The following BAZ2B variants were observed in gnomAD, a reference collection of about 807,000 sequenced individuals.
BAZ2B encodes the protein bromodomain adjacent to zinc finger domain 2B, also known as bromodomain adjacent to zinc finger domain protein 2B.
BAZ2B carries 91 observed loss-of-function variants against 246.0 expected under a neutral mutation model. The observed-to-expected ratio is 0.37, with a 90% CI of 0.31 to 0.44. The LOEUF is 0.44. Ranked by LOEUF, BAZ2B falls within the 20% of genes least tolerant of loss-of-function variation. BAZ2B has a pLI of 1.00. For synonymous variants in BAZ2B, 855 were observed against 860.0 expected, an observed-to-expected ratio of 0.99 and a Z score of 0.10; for missense variants, 2,332 against 2,533.7, an observed-to-expected ratio of 0.92 and a Z score of 1.71.
intron 1 of BAZ2B, among the ~76,000 whole-genome samples, chr2:159,613,904 T>C (rs753092906): frequency 2.0e-5 from 3 of 152,202 alleles, no homozygotes; most frequent in Non-Finnish European, 2.9e-5. Context: ...CAAAGAAGAC[T>C]GCTACAGAAA....
chr2:159,550,513 GATT>G (rs2088023095), intron 2 of BAZ2B, among the ~76,000 whole-genome samples: 1 of 152,074 alleles, frequency 6.6e-6, no homozygotes, highest in East Asian at 1.9e-4. Context: ...AATTTAGCCA[GATT>G]ACTATACCTA....
chr2:159,675,066 C>T, the BAZ2B span, among the ~76,000 whole-genome samples: 1 of 152,018 alleles, frequency 6.6e-6, no homozygotes, highest in Non-Finnish European at 1.5e-5. Flanking sequence ...AAATACGGAA[C>T]TGGGGAGGAC....
chr2:159,545,778 G>A (rs1193935761), intron 2 of BAZ2B, among the ~76,000 whole-genome samples: 1 of 152,102 alleles, frequency 6.6e-6, no homozygotes, highest in Non-Finnish European at 1.5e-5. Flanking sequence ...ATCACGTAAG[G>A]ATCTAAGGAC....
At chr2:159,321,645 T>C (rs1312131204) in intron 36 of BAZ2B, among the ~76,000 whole-genome samples, 1 of 152,164 alleles carries the variant, frequency 6.6e-6, no homozygotes, top group African/African-American at 2.4e-5. Flanking sequence ...TTAAGTGAAA[T>C]AAGCCAGGCA....
In BAZ2B at chr2:159,438,462, C is replaced by T. The variant is rs186314882; in HGVS notation, c.1134G>A (p.Thr378=). The part of the protein sequence containing the change: ...VNKHTSVIQS[T]GLVSNVKPLS... ...AAGGTTTCACATTGGACACCAATCC[C>T]GTAGACTGTATTACACTGGTGTGTT... is the stretch of plus-strand genomic sequence containing the variant. Residue 378 remains threonine (T), a synonymous_variant, in exon 8 of 37, where the codon ACG becomes ACA. Coordinates refer to ENST00000392783, the MANE Select transcript of BAZ2B (RefSeq NM_013450.4). 2,290 of 1,614,112 alleles carry T rather than the reference C, an allele frequency of 1.4e-3. 29 individuals carry two copies. Among genetic ancestry groups the T allele is most frequent in the Non-Finnish European group, 3.3e-4 (393 of 1,180,014 alleles).
chr2:159,384,038 A>G (rs1417525510), intron 23 of BAZ2B, among the ~76,000 whole-genome samples: 2 of 152,068 alleles, frequency 1.3e-5, no homozygotes, highest in Non-Finnish European at 2.9e-5. Context: ...GGATACCAGA[A>G]CACACATGGA....
At chr2:159,326,423 T>A (rs577142956) in intron 34 of BAZ2B, among the ~76,000 whole-genome samples, 2 of 149,890 alleles carry the variant, frequency 1.3e-5, no homozygotes, top group South Asian at 2.1e-4. Flanking sequence ...TTGATTTGAT[T>A]TTTTTTCCTG....
chr2:159,711,078 G>A, the BAZ2B span, among the ~76,000 whole-genome samples: 22 of 152,026 alleles, frequency 1.4e-4, no homozygotes, highest in African/African-American at 4.8e-4. Flanking sequence ...GTTTAGCAAG[G>A]TTAAGGAATT....
intron 36 of BAZ2B, among the ~76,000 whole-genome samples, chr2:159,323,639 C>T (rs558779299): frequency 1.3e-3 from 193 of 151,898 alleles, no homozygotes; most frequent in Middle Eastern, 3.4e-3. Context: ...CCTGTTTATA[C>T]TAAAAATACA....
At chr2:159,444,952 T>C (rs1252123444) in intron 6 of BAZ2B, 1 of 152,230 alleles carries the variant, frequency 6.6e-6, no homozygotes, top group East Asian at 1.9e-4. Flanking sequence ...AATTAAAAAT[T>C]GGAGCAGACT....
chr2:159,385,886 T>C (rs1189942252), intron 22 of BAZ2B, among the ~76,000 whole-genome samples: 1 of 152,188 alleles, frequency 6.6e-6, no homozygotes, highest in African/African-American at 2.4e-5. Context: ...CCCTGGAATG[T>C]ATACTGTATT....
At chr2:159,514,095 A>G (rs751646777) in intron 2 of BAZ2B, among the ~76,000 whole-genome samples, 1 of 152,108 alleles carries the variant, frequency 6.6e-6, no homozygotes, top group Non-Finnish European at 1.5e-5. Context: ...ATCATCACCT[A>G]ACCTTCACAT....
At chr2:159,554,437 G>A (rs2088787951) in intron 2 of BAZ2B, among the ~76,000 whole-genome samples, 1 of 151,886 alleles carries the variant, frequency 6.6e-6, no homozygotes, top group African/African-American at 2.4e-5. Flanking sequence ...AATAAACAAG[G>A]AAAGAGCTAC....
chr2:159,447,313 T>G (rs1389167334), intron 5 of BAZ2B, among the ~76,000 whole-genome samples: 2 of 152,198 alleles, frequency 1.3e-5, no homozygotes, highest in Non-Finnish European at 2.9e-5. Flanking sequence ...TACCAGTAAA[T>G]TATTCACTTT....
chr2:159,416,367 T>C (rs532000578), intron 13 of BAZ2B, among the ~76,000 whole-genome samples: 1 of 152,320 alleles, frequency 6.6e-6, no homozygotes, highest in African/African-American at 2.4e-5. Context: ...TCAGCATAGT[T>C]TTATGTCAGG....
intron 25 of BAZ2B, among the ~76,000 whole-genome samples, chr2:159,380,479 T>G (rs6753635): frequency 0.65 from 98,436 of 151,998 alleles, 34,687 homozygotes; most frequent in Non-Finnish European, 0.81. Flanking sequence ...TGTTTGATTT[T>G]CTTGATTACT....
intron 36 of BAZ2B, among the ~76,000 whole-genome samples, chr2:159,323,171 G>T (rs1006982509): frequency 1.4e-4 from 21 of 151,908 alleles, no homozygotes; most frequent in African/African-American, 5.1e-4. Flanking sequence ...TTTTAGTAGA[G>T]ATGAGATTTC....
intron 14 of BAZ2B, among the ~76,000 whole-genome samples, chr2:159,411,628 T>C (rs2066859702): frequency 6.6e-6 from 1 of 152,194 alleles, no homozygotes; most frequent in African/African-American, 2.4e-5. Flanking sequence ...GGCTTCACAT[T>C]TGTAACTAGT....
intron 36 of BAZ2B, among the ~76,000 whole-genome samples, chr2:159,323,356 C>T (rs937376449): frequency 2.6e-5 from 4 of 151,968 alleles, no homozygotes; most frequent in East Asian, 1.9e-4. Context: ...TTGAGGTTTA[C>T]GTTAATCTTT....
Sources: allele counts gnomAD v4.1 joint callset (sites outside exome capture counted in the v4.1 genomes callset), GRCh38; gene constraint gnomAD v4.1.1; transcripts MANE v1.5; gene names NCBI Gene and HGNC (gene_info 2026-07-23, HGNC 2026-07-21).